The following MARCHF8 variants were observed in gnomAD, a reference collection of about 807,000 sequenced individuals.
MARCHF8 encodes E3 ubiquitin-protein ligase MARCHF8.
In MARCHF8, 40 loss-of-function variants were observed where a neutral mutation model predicts 51.6. The observed-to-expected ratio is 0.77, with a 90% CI of 0.60 to 1.01. The LOEUF (loss-of-function observed/expected upper bound fraction) is 1.01, where lower values mean the gene tolerates loss of function less well. Ranked by LOEUF, MARCHF8 falls within the 50% of genes least tolerant of loss-of-function variation. The probability of loss-of-function intolerance (pLI) is 0.00; values close to 1 mark genes in which losing one functional copy is unlikely to be tolerated. For missense variants in MARCHF8, 685 were observed against 708.6 expected (o/e 0.97, Z 0.38); for synonymous variants, 263 against 280.3 (o/e 0.94, Z 0.62).
intron 2 of MARCHF8, among the ~76,000 whole-genome samples, chr10:45,501,483 T>C (rs1047338253): frequency 4.6e-5 from 7 of 152,136 alleles, no homozygotes; most frequent in African/African-American, 1.7e-4. Context: ...GTCTCAAACT[T>C]ATACAAAAAT....
rs1254050464 is a variant in MARCHF8 at position 45,463,516 on chromosome 10, C to T, written c.723G>A (p.Leu241=). 10 of 1,550,544 alleles carry T rather than the reference C, an allele frequency of 6.4e-6. No homozygotes were observed. The highest frequency in any genetic ancestry group is 1.4e-5 in the African/African-American group (1 of 73,060). The part of the protein sequence containing the change: ...VEAGKGGRPG[L]LLEEKADGEA... Reference sequence around the variant, plus strand: ...CACCATCCGCCTTCTCTTCCAGCAGCAGGCCGGGCCTGCCCCCCTTGCCAG... The same window carrying T: ...CACCATCCGCCTTCTCTTCCAGCAGTAGGCCGGGCCTGCCCCCCTTGCCAG... The change falls in exon 5 of 8, where the codon CTG becomes CTA. Residue 241 remains leucine, a synonymous_variant. Transcript: ENST00000453424.
chr10:45,511,547 A>G (rs1169307447), intron 2 of MARCHF8, among the ~76,000 whole-genome samples: 3 of 152,178 alleles, frequency 2.0e-5, no homozygotes, highest in South Asian at 2.1e-4. Context: ...GCCTGCGATT[A>G]CAGGCGCGCG....
intron 2 of MARCHF8, among the ~76,000 whole-genome samples, chr10:45,507,504 G>C (rs947847042): frequency 6.6e-6 from 1 of 152,118 alleles, no homozygotes; most frequent in Admixed American, 6.5e-5. Context: ...GAGGAAGGAC[G>C]ACAGGTCAAG....
At chr10:45,472,400 T>G (rs977764118) in intron 3 of MARCHF8, among the ~76,000 whole-genome samples, 2 of 152,352 alleles carry the variant, frequency 1.3e-5, no homozygotes, top group Non-Finnish European at 2.9e-5. Context: ...AGCTACCCTC[T>G]GGGGAGACTG....
At chr10:45,570,231 T>C (rs1426658945) in intron 1 of MARCHF8, among the ~76,000 whole-genome samples, 1 of 152,244 alleles carries the variant, frequency 6.6e-6, no homozygotes, top group African/African-American at 2.4e-5. Flanking sequence ...AACATGACCA[T>C]AGGTGATTAA....
chr10:45,594,576 A>T (rs1362457669), exon 1 of MARCHF8: 1 of 151,944 alleles, frequency 6.6e-6, no homozygotes, highest in Non-Finnish European at 1.5e-5. Flanking sequence ...CCCGCAGCGC[A>T]GGGATGGGTC....
At chr10:45,470,094 G>A (rs1843120083) in intron 3 of MARCHF8, among the ~76,000 whole-genome samples, 1 of 152,144 alleles carries the variant, frequency 6.6e-6, no homozygotes, top group Admixed American at 6.5e-5. Flanking sequence ...CCTCTACATG[G>A]AAAGCATTTG....
At chr10:45,514,929 G>A (rs1259806340) in intron 2 of MARCHF8, among the ~76,000 whole-genome samples, 2 of 152,120 alleles carry the variant, frequency 1.3e-5, no homozygotes, top group East Asian at 3.9e-4. Context: ...CTTGCCCTGT[G>A]ATCAGCAGGT....
At chr10:45,510,680 CACT>C (rs1453292240) in intron 2 of MARCHF8, among the ~76,000 whole-genome samples, 4 of 152,038 alleles carry the variant, frequency 2.6e-5, no homozygotes, top group African/African-American at 9.7e-5. Context: ...CTGTTTCCAC[CACT>C]GCTTTCTTTT....
intron 2 of MARCHF8, among the ~76,000 whole-genome samples, chr10:45,529,341 A>T (rs2043841259): frequency 6.6e-6 from 1 of 152,180 alleles, no homozygotes; most frequent in Non-Finnish European, 1.5e-5. Context: ...AAGTATAAAG[A>T]CCTGAAAGAT....
intron 1 of MARCHF8, among the ~76,000 whole-genome samples, chr10:45,593,238 G>A (rs1808055755): frequency 6.7e-6 from 1 of 149,810 alleles, no homozygotes; most frequent in African/African-American, 2.5e-5. Flanking sequence ...TTTCCCTCTT[G>A]TAACATTAAA....
At chr10:45,479,640 T>C (rs931249813) in intron 3 of MARCHF8, among the ~76,000 whole-genome samples, 1 of 152,190 alleles carries the variant, frequency 6.6e-6, no homozygotes, top group Non-Finnish European at 1.5e-5. Flanking sequence ...CCCTTTCACT[T>C]GGTTCTCATT....
At chr10:45,501,746 T>C (rs1225473967) in intron 2 of MARCHF8, among the ~76,000 whole-genome samples, 2 of 152,078 alleles carry the variant, frequency 1.3e-5, no homozygotes, top group East Asian at 3.8e-4. Flanking sequence ...GAATATCCAA[T>C]TAAGGACTAG....
rs542823324 is a variant in MARCHF8 at position 45,459,415 on chromosome 10, A to G, written c.1270-148T>C. 9.5e-5 allele frequency: 91 copies of G among 953,564 alleles called. No homozygotes were observed. In the African/African-American group the frequency reaches 1.5e-3, roughly 15 times the overall value. The allele number at this position is 953,564 out of a possible 1,614,324, so 59.1% of individuals were successfully genotyped here. On this transcript the variant is annotated intron_variant, in intron 6 of 7. Coordinates refer to ENST00000453424, the MANE Select transcript of MARCHF8 (RefSeq NM_001282866.2). Reference sequence around the variant, plus strand: ...TTCCCCCAAGTATTGTTCTCCTAAAACCACTTGGCTTCAACCAGGTACCAG... The same window carrying G: ...TTCCCCCAAGTATTGTTCTCCTAAAGCCACTTGGCTTCAACCAGGTACCAG...
intron 3 of MARCHF8, among the ~76,000 whole-genome samples, chr10:45,464,560 C>A (rs983084636): frequency 1.4e-4 from 22 of 152,224 alleles, no homozygotes; most frequent in African/African-American, 5.3e-4. Context: ...AACACCACTA[C>A]TAATCTCTTG....
At chr10:45,567,424 G>A (rs1291365382) in intron 1 of MARCHF8, among the ~76,000 whole-genome samples, 1 of 152,200 alleles carries the variant, frequency 6.6e-6, no homozygotes, top group Non-Finnish European at 1.5e-5. Flanking sequence ...TTAGCTTTAA[G>A]CCTTTAACCC....
At chr10:45,490,323 C>T (rs2043058779) in intron 2 of MARCHF8, among the ~76,000 whole-genome samples, 1 of 152,064 alleles carries the variant, frequency 6.6e-6, no homozygotes, top group Non-Finnish European at 1.5e-5. Context: ...AATAGTAGTC[C>T]CGGCTACTCA....
At chr10:45,529,291 C>A (rs1334608408) in intron 2 of MARCHF8, among the ~76,000 whole-genome samples, 1 of 152,206 alleles carries the variant, frequency 6.6e-6, no homozygotes, top group East Asian at 1.9e-4. Context: ...ATATCTCTCA[C>A]CATATACAAA....
chr10:45,515,126 CA>C (rs554813552), intron 2 of MARCHF8, among the ~76,000 whole-genome samples: 1 of 152,196 alleles, frequency 6.6e-6, no homozygotes, highest in Non-Finnish European at 1.5e-5. Context: ...TCATTTTCAC[CA>C]ATTTGTCCAT....
Sources: gnomAD v4.1 joint callset for allele counts (sites outside exome capture counted in the v4.1 genomes callset) on GRCh38, gnomAD v4.1.1 for gene constraint, MANE v1.5 for transcripts, NCBI Gene and HGNC (gene_info 2026-07-23, HGNC 2026-07-21) for gene names.